HUWE1: variants seen among roughly 807,000 people sequenced by gnomAD.
HUWE1 encodes the protein E3 ubiquitin-protein ligase HUWE1.
A neutral mutation model predicts 299.4 loss-of-function variants in HUWE1; 18 were observed. The ratio of observed to expected loss-of-function variants is 0.06; its 90% CI spans 0.04 to 0.09. The LOEUF is 0.09. Among genes scored for constraint, HUWE1 ranks in the 10% least tolerant of loss-of-function variants. HUWE1 has a pLI of 1.00. For missense variants in HUWE1, 1,832 were observed against 3,462.3 expected (o/e 0.53, Z 11.82); for synonymous variants, 1,317 against 1,286.1 (o/e 1.02, Z -0.51).
At chrX:53,599,652 G>A (rs1164712224) in intron 29 of HUWE1, among the ~76,000 whole-genome samples, 4 of 112,300 alleles carry the variant, frequency 3.6e-5, no homozygotes, top group African/African-American at 1.3e-4. Context: ...CACAAAAAGA[G>A]AAGACTAGGT....
At chrX:53,679,343 T>A (rs918608214) in intron 3 of HUWE1, among the ~76,000 whole-genome samples, 2 of 112,761 alleles carry the variant, frequency 1.8e-5, no homozygotes, top group African/African-American at 3.2e-5. Flanking sequence ...TTGATATTTT[T>A]AAATATCTGT....
intron 19 of HUWE1, among the ~76,000 whole-genome samples, chrX:53,622,535 C>T (rs1471291389): frequency 9.0e-6 from 1 of 111,377 alleles, no homozygotes; most frequent in African/African-American, 3.3e-5. Context: ...AATTCTGTAA[C>T]ACAGACTCAA....
Position 53,628,745 on chromosome X carries a change from A to T in HUWE1, c.1114+7T>A. The T allele has an allele frequency of 8.3e-7, 1 of 1,211,596 alleles. No homozygotes were observed. The highest frequency in any genetic ancestry group is 1.1e-6 in the Non-Finnish European group (1 of 895,267). ...TCTTGCCTAAGATAATCACCATCAA[A>T]ACTTACCAATCATGGCCTGGATACA... On this transcript the variant is annotated splice_region_variant and intron_variant, in intron 14 of 83. Coordinates refer to ENST00000262854, the MANE Select transcript of HUWE1 (RefSeq NM_031407.7).
intron 76 of HUWE1, 111 bp downstream of exon 76, chrX:53,538,724 A>ACACACACACACACT (rs1556915582): frequency 3.1e-6 from 1 of 325,624 alleles, no homozygotes; most frequent in East Asian, 5.7e-5. Flanking sequence ...ACACACACAC[A>ACACACACACACACT]CTCTCTCTCT....
chrX:53,579,691 G>T (rs1490561543), intron 43 of HUWE1, among the ~76,000 whole-genome samples: 2 of 97,558 alleles, frequency 2.1e-5, no homozygotes, highest in African/African-American at 3.8e-5. Flanking sequence ...GTCCACTCAG[G>T]GTTAAATGGA....
intron 74 of HUWE1, among the ~76,000 whole-genome samples, chrX:53,541,397 G>A (rs1228703427): frequency 9.1e-6 from 1 of 110,326 alleles, no homozygotes; most frequent in Non-Finnish European, 1.9e-5. Flanking sequence ...AAATCAGCCT[G>A]GCCAATGTGG....
chrX:53,533,452 A>T, intron 83 of HUWE1, 41 bp from the exon 84 acceptor site: 1 of 973,840 alleles, frequency 1.0e-6, no homozygotes, highest in Non-Finnish European at 1.5e-6. Flanking sequence ...GAGGGATGAC[A>T]GATAACCAAA....
intron 3 of HUWE1, among the ~76,000 whole-genome samples, chrX:53,676,669 G>A (rs1706077908): frequency 8.9e-6 from 1 of 111,781 alleles, no homozygotes; most frequent in African/African-American, 3.3e-5. Flanking sequence ...TAGAGAGCAT[G>A]TCAGTAAGAA....
At chrX:53,538,759 C>T in intron 76 of HUWE1, 76 bp downstream of exon 76, 1 of 865,781 alleles carries the variant, frequency 1.2e-6, no homozygotes, top group African/African-American at 2.0e-5. Context: ...CTCTCATCAA[C>T]TAAGGATTAA....
chrX:53,684,154 A>C (rs782698446), intron 2 of HUWE1: 12 of 242,161 alleles, frequency 5.0e-5, no homozygotes, highest in Non-Finnish European at 8.9e-5. Context: ...AACCTAACGA[A>C]GCAGTGAGGG....
At chrX:53,682,151 T>TA (rs2070194039) in intron 2 of HUWE1, among the ~76,000 whole-genome samples, 1 of 112,501 alleles carries the variant, frequency 8.9e-6, no homozygotes, top group Admixed American at 9.4e-5. Flanking sequence ...AATGCATTCT[T>TA]ACACCAAAAA....
Position 53,557,404 on chromosome X carries a change from G to T in HUWE1, c.8184C>A (p.Asp2728Glu). The T allele has an allele frequency of 1.7e-6, 2 of 1,209,307 alleles. No individual in the cohort carries two copies. Among genetic ancestry groups the T allele is most frequent in the Non-Finnish European group, 2.2e-6 (2 of 893,159 alleles). The stretch of plus-strand genomic sequence containing the variant: ...TACCTGAGAGATTCTGTTCAGTGGA[G>T]TCATTTGACTTAGATGCAGTACACT... ...SAQCTASKSN[D>E]STEQNLSDGT... Residue 2728 changes from aspartate (D) to glutamate (E), a missense_variant, in exon 60 of 84, where the codon GAC (aspartate) becomes GAA (glutamate). Transcript: ENST00000262854.
chrX:53,644,602 GTTATAT>G (rs781891473), intron 7 of HUWE1, among the ~76,000 whole-genome samples: 1 of 112,181 alleles, frequency 8.9e-6, no homozygotes, highest in East Asian at 2.8e-4. Context: ...CAGAATACAT[GTTATAT>G]TTATAATTAT....
chrX:53,649,834 T>C (rs2068331386), intron 4 of HUWE1, among the ~76,000 whole-genome samples: 1 of 112,463 alleles, frequency 8.9e-6, no homozygotes, highest in Non-Finnish European at 1.9e-5. Flanking sequence ...CAGTTCATGA[T>C]GAACATTTGG....
intron 52 of HUWE1, among the ~76,000 whole-genome samples, chrX:53,563,263 A>G (rs2062377222): frequency 8.9e-6 from 1 of 112,305 alleles, no homozygotes; most frequent in African/African-American, 3.2e-5. Context: ...TCCTTGATCA[A>G]CAAAGTAAAA....
chrX:53,567,753 CAT>C (rs1464222777), intron 49 of HUWE1, among the ~76,000 whole-genome samples: 1 of 111,646 alleles, frequency 9.0e-6, no homozygotes, highest in Non-Finnish European at 1.9e-5. Context: ...ATAGTGTAGA[CAT>C]TTGTAAAGTG....
chrX:53,576,359 A>AT (rs1569459960), intron 44 of HUWE1, among the ~76,000 whole-genome samples: 1 of 112,280 alleles, frequency 8.9e-6, no homozygotes. Context: ...CCTAATGCTT[A>AT]TAAGATGCAC....
chrX:53,675,001 C>T (rs2069745364), intron 3 of HUWE1, among the ~76,000 whole-genome samples: 1 of 111,826 alleles, frequency 8.9e-6, no homozygotes, highest in African/African-American at 3.2e-5. Flanking sequence ...ATGCTCACAG[C>T]AACCTATGAA....
intron 15 of HUWE1, 48 bp from the exon 16 acceptor site, chrX:53,627,927 A>T: frequency 8.7e-7 from 1 of 1,147,077 alleles, no homozygotes; most frequent in Non-Finnish European, 1.2e-6. Flanking sequence ...AAAGACACAA[A>T]GTTGTAAAAA....
Sources: gnomAD v4.1 joint callset for allele counts (sites outside exome capture counted in the v4.1 genomes callset) on GRCh38, gnomAD v4.1.1 for gene constraint, MANE v1.5 for transcripts, NCBI Gene and HGNC (gene_info 2026-07-23, HGNC 2026-07-21) for gene names.